Variants in EDDM13 observed in about 807,000 individuals in gnomAD.
The protein encoded by EDDM13 is epididymal protein 13.
In EDDM13, 24 loss-of-function variants were observed where a neutral mutation model predicts 17.8. The observed-to-expected ratio is 1.35, with a 90% CI of 0.98 to 1.90. The LOEUF (loss-of-function observed/expected upper bound fraction) is 1.90, where lower values mean the gene tolerates loss of function less well. EDDM13 is among the 40% of genes most tolerant of loss of function. The pLI is 0.00. For missense variants in EDDM13, 97 were observed against 100.8 expected (o/e 0.96, Z 0.16); for synonymous variants, 31 against 37.5 (o/e 0.83, Z 0.63).
At chr19:56,279,273 A>G (rs1253340337) in intron 2 of EDDM13, among the ~76,000 whole-genome samples, 1 of 152,144 alleles carries the variant, frequency 6.6e-6, no homozygotes, top group Non-Finnish European at 1.5e-5. Context: ...TGGAAGGGAA[A>G]AAGATCTCTT....
intron 8 of EDDM13, among the ~76,000 whole-genome samples, chr19:56,289,366 G>A (rs1466490616): frequency 6.6e-6 from 1 of 152,184 alleles, no homozygotes; most frequent in African/African-American, 2.4e-5. Context: ...GTCTGGAGGA[G>A]AGAAAGGGGC....
chr19:56,284,872 T>A (rs1007047010), intron 5 of EDDM13, 126 bp from the exon 6 acceptor site: 2 of 263,918 alleles, frequency 7.6e-6, no homozygotes, highest in Non-Finnish European at 1.2e-5. Context: ...GCATCATGAC[T>A]GAGGCATTAT....
intron 2 of EDDM13, among the ~76,000 whole-genome samples, chr19:56,278,101 A>ATT (rs34892463): frequency 0.012 from 1,761 of 144,882 alleles, 33 homozygotes; most frequent in African/African-American, 0.039. Context: ...ACAATGTGCT[A>ATT]TTTTTTTTTT....
At chr19:56,296,396 CT>C (rs1212176164) in intron 11 of EDDM13, 34 bp downstream of exon 11, 1 of 151,828 alleles carries the variant, frequency 6.6e-6, no homozygotes, top group Admixed American at 6.6e-5. Flanking sequence ...GTGTTCACTC[CT>C]GTGCACAGAA....
chr19:56,302,581 C>CTCCCTCCCTCCCTT (rs1555807484), intron 13 of EDDM13, among the ~76,000 whole-genome samples: 1 of 39,990 alleles, frequency 2.5e-5, no homozygotes, highest in East Asian at 1.0e-3. Context: ...TTCTTCCTCC[C>CTCCCTCCCTCCCTT]CCTTTTCTTC....
chr19:56,303,952 G>A (rs1015450966), intron 13 of EDDM13, among the ~76,000 whole-genome samples: 2 of 152,130 alleles, frequency 1.3e-5, no homozygotes, highest in Non-Finnish European at 2.9e-5. Context: ...AGGAACCAAA[G>A]GAACATCTAT....
chr19:56,302,283 C>G (rs903516021), intron 13 of EDDM13, among the ~76,000 whole-genome samples, 188 bp downstream of exon 13: 2 of 151,604 alleles, frequency 1.3e-5, no homozygotes, highest in African/African-American at 4.8e-5. Flanking sequence ...TTTCATTCTT[C>G]CTTCCTCTCT....
chr19:56,302,072 G>A lies in EDDM13; in HGVS notation c.400G>A (p.Val134Ile), dbSNP rs149859323. 2.0e-4 allele frequency: 244 copies of A among 1,231,714 alleles called. No individual in the cohort carries two copies. In the African/African-American group the frequency reaches 3.2e-3, roughly 16 times the overall value. 76.3% of individuals were successfully genotyped at this position (1,231,714 alleles called of 1,614,324 possible). A position where few individuals can be genotyped will look rare whatever the true frequency, so the allele number is the denominator to read the frequency against. ...CAYMVMTYLFVSYNKGDWCYC... is the reference protein window; with the variant it reads ...CAYMVMTYLFISYNKGDWCYC... Reference sequence around the variant, plus strand: ...CTACATGGTGATGACCTACCTCTTCGTATCCTACAACAAAGGGGACTGGGT... The same window carrying A: ...CTACATGGTGATGACCTACCTCTTCATATCCTACAACAAAGGGGACTGGGT... The change falls in exon 13 of 15, where the codon GTA becomes ATA. Residue 134 changes from valine to isoleucine, a missense_variant. Physicochemically the swap from Val to Ile is conservative, Grantham distance 29. Transcript: ENST00000649256.
At chr19:56,305,368 T>C (rs933033466) in intron 14 of EDDM13, among the ~76,000 whole-genome samples, 3 of 152,224 alleles carry the variant, frequency 2.0e-5, no homozygotes, top group Non-Finnish European at 4.4e-5. Context: ...GGTTTATTCA[T>C]TTGGCATAAT....
chr19:56,300,741 T>C (rs1382283072), intron 12 of EDDM13, among the ~76,000 whole-genome samples: 2 of 152,228 alleles, frequency 1.3e-5, no homozygotes, highest in East Asian at 1.9e-4. Flanking sequence ...TGCATTTGCC[T>C]GTACACTGGT....
Position 56,272,884 on chromosome 19 carries a change from T to C in EDDM13, c.50T>C (p.Phe17Ser). ...AAAATGTCGCTGCTGATTCTGCTTT[T>C]CCTGGGATTGGCAGAAGCCTGTACT... ...FLKMSLLILL[F>S]LGLAEACTPR... The change falls in exon 1 of 15, where the codon TTC becomes TCC. Residue 17 changes from phenylalanine (F) to serine (S), a missense_variant. Coordinates refer to ENST00000649256, the MANE Select transcript of EDDM13 (RefSeq NM_001354658.2). 1.7e-5 allele frequency: 17 copies of C among 985,452 alleles called. No homozygotes were observed. The highest frequency in any genetic ancestry group is 2.0e-5 in the Non-Finnish European group (17 of 829,960). 61.0% of individuals were successfully genotyped at this position (985,452 alleles called of 1,614,324 possible). A position where few individuals can be genotyped will look rare whatever the true frequency, so the allele number is the denominator to read the frequency against.
At chr19:56,297,458 C>T (rs937439245) in intron 11 of EDDM13, 47 bp from the exon 12 acceptor site, 44 of 885,822 alleles carry the variant, frequency 5.0e-5, no homozygotes, top group Admixed American at 6.3e-5. Flanking sequence ...TTTCCTCTTC[C>T]TCCTTCTCTT....
chr19:56,294,343 C>A (rs977979581), intron 9 of EDDM13, among the ~76,000 whole-genome samples: 1 of 152,204 alleles, frequency 6.6e-6, no homozygotes, highest in Non-Finnish European at 1.5e-5. Flanking sequence ...GGCAAAGAGG[C>A]CTGGGTGGGA....
At chr19:56,308,631 A>T (rs2040851744) in intron 14 of EDDM13, among the ~76,000 whole-genome samples, 1 of 143,568 alleles carries the variant, frequency 7.0e-6, no homozygotes, top group Non-Finnish European at 1.5e-5. Flanking sequence ...CCCATATTAA[A>T]TCATTTCTGA....
At chr19:56,292,457 A>ACT (rs1445953237) in intron 9 of EDDM13, among the ~76,000 whole-genome samples, 62 of 146,294 alleles carry the variant, frequency 4.2e-4, no homozygotes, top group African/African-American at 1.4e-3. Context: ...GTCTGTTTTT[A>ACT]CTTTTTTTTT....
intron 9 of EDDM13, chr19:56,295,134 CTGTCT>C (rs2039779478): frequency 6.6e-6 from 1 of 152,170 alleles, no homozygotes. Flanking sequence ...CTAAAAACTA[CTGTCT>C]TGTACACTTG....
At chr19:56,305,373 CATA>C (rs1197237061) in intron 14 of EDDM13, among the ~76,000 whole-genome samples, 1 of 152,136 alleles carries the variant, frequency 6.6e-6, no homozygotes, top group Non-Finnish European at 1.5e-5. Flanking sequence ...ATTCATTTGG[CATA>C]ATATTTCCAA....
intron 4 of EDDM13, chr19:56,283,753 C>G (rs1283506638): frequency 6.6e-6 from 1 of 152,198 alleles, no homozygotes; most frequent in East Asian, 1.9e-4. Flanking sequence ...TCACGTAATT[C>G]CTTGGAGGTT....
intron 6 of EDDM13, among the ~76,000 whole-genome samples, chr19:56,287,512 A>G (rs1391308342): frequency 6.6e-6 from 1 of 151,954 alleles, no homozygotes; most frequent in Non-Finnish European, 1.5e-5. Flanking sequence ...CACCTAACCC[A>G]TAAATATCAG....
Sources: gnomAD v4.1 joint callset for allele counts (sites outside exome capture counted in the v4.1 genomes callset) on GRCh38, gnomAD v4.1.1 for gene constraint, MANE v1.5 for transcripts, NCBI Gene and HGNC (gene_info 2026-07-23, HGNC 2026-07-21) for gene names.